Variants in ABCC4 observed in about 807,000 individuals in gnomAD.
The protein encoded by ABCC4 is ATP-binding cassette sub-family C member 4.
In ABCC4, 102 loss-of-function variants were observed where a neutral mutation model predicts 168.5. The ratio of observed to expected loss-of-function variants is 0.61; its 90% CI spans 0.52 to 0.71. The LOEUF (loss-of-function observed/expected upper bound fraction) is 0.71, where lower values mean the gene tolerates loss of function less well. Ranked by LOEUF, ABCC4 falls within the 30% of genes least tolerant of loss-of-function variation. ABCC4 has a pLI of 0.00. For missense variants in ABCC4, 1,402 were observed against 1,605.8 expected, an observed-to-expected ratio of 0.87 and a Z score of 2.17; for synonymous variants, 617 against 590.7, an observed-to-expected ratio of 1.04 and a Z score of -0.65.
intron 4 of ABCC4, among the ~76,000 whole-genome samples, chr13:95,226,733 T>C (rs1268974972): frequency 2.0e-5 from 3 of 152,112 alleles, no homozygotes; most frequent in Non-Finnish European, 4.4e-5. Context: ...GACACCTGAC[T>C]CAACACCCGG....
chr13:95,178,586 A>G (rs1483015875), intron 11 of ABCC4, among the ~76,000 whole-genome samples: 5 of 152,226 alleles, frequency 3.3e-5, no homozygotes, highest in African/African-American at 1.2e-4. Context: ...ACTGGCTGGC[A>G]CAGAGTGCAG....
intron 9 of ABCC4, among the ~76,000 whole-genome samples, chr13:95,191,126 C>G (rs77947164): frequency 6.6e-6 from 1 of 152,298 alleles, no homozygotes; most frequent in East Asian, 1.9e-4. Flanking sequence ...AACCCCTCTC[C>G]ACATCTCAAG....
At chr13:95,045,190 T>G (rs1207558060) in intron 27 of ABCC4, among the ~76,000 whole-genome samples, 1 of 152,156 alleles carries the variant, frequency 6.6e-6, no homozygotes, top group African/African-American at 2.4e-5. Context: ...GAAGAAAAGG[T>G]GAAAGGATCT....
chr13:95,273,771 T>C (rs2040899955), intron 1 of ABCC4, among the ~76,000 whole-genome samples: 1 of 150,602 alleles, frequency 6.6e-6, no homozygotes, highest in Non-Finnish European at 1.5e-5. Flanking sequence ...GTTCTTGTGA[T>C]AGTGGATAAG....
intron 19 of ABCC4, among the ~76,000 whole-genome samples, chr13:95,133,853 T>C (rs1484325948): frequency 6.6e-6 from 1 of 152,190 alleles, no homozygotes; most frequent in Non-Finnish European, 1.5e-5. Flanking sequence ...TGCAAAGCAT[T>C]GGGTGACCCT....
intron 27 of ABCC4, among the ~76,000 whole-genome samples, chr13:95,045,406 G>A (rs1397789060): frequency 6.6e-6 from 1 of 152,128 alleles, no homozygotes; most frequent in East Asian, 1.9e-4. Context: ...TGCCTCATTT[G>A]TTAGGAAATC....
At chr13:95,242,722 C>A (rs763168981) in intron 3 of ABCC4, among the ~76,000 whole-genome samples, 47 of 152,134 alleles carry the variant, frequency 3.1e-4, no homozygotes, top group Non-Finnish European at 6.3e-4. Context: ...CAAAACAACA[C>A]CTGAAATGCT....
intron 30 of ABCC4, among the ~76,000 whole-genome samples, chr13:95,028,630 C>T (rs975197763): frequency 5.3e-5 from 8 of 151,930 alleles, no homozygotes; most frequent in African/African-American, 1.4e-4. Context: ...CGCTAAAATA[C>T]TAAGGAAGAA....
chr13:95,033,953 G>A (rs12877683), intron 30 of ABCC4, among the ~76,000 whole-genome samples: 6 of 152,072 alleles, frequency 3.9e-5, no homozygotes, highest in East Asian at 1.9e-4. Context: ...GAACCACCAC[G>A]CCCAGCCTGA....
At chr13:95,261,525 C>A (rs181232502) in intron 1 of ABCC4, among the ~76,000 whole-genome samples, 20 of 152,130 alleles carry the variant, frequency 1.3e-4, no homozygotes, top group Non-Finnish European at 2.8e-4. Flanking sequence ...TTCTTATCCA[C>A]AAAACATATC....
chr13:95,255,115 C>G (rs2040361442), intron 1 of ABCC4, among the ~76,000 whole-genome samples: 1 of 152,186 alleles, frequency 6.6e-6, no homozygotes, highest in Non-Finnish European at 1.5e-5. Flanking sequence ...AAATGGGTTT[C>G]AGAAAGAGGG....
At chr13:95,096,210 G>T in intron 20 of ABCC4, 1 of 631,036 alleles carries the variant, frequency 1.6e-6, no homozygotes, top group South Asian at 1.8e-5. Flanking sequence ...CATATTCAAT[G>T]GGCTGGCAGC....
chr13:95,089,437 G>A lies in ABCC4; in HGVS notation c.2536-6147C>T, dbSNP rs756393704. ...GTTTGAGACCAGCCTGGCCAACATG[G>A]TGAAACCCCGTCTCTACTAAAAATA... On this transcript the variant is annotated intron_variant, in intron 20 of 30. Transcript: ENST00000645237. 1.7e-4 allele frequency among the ~76,000 whole-genome samples: 26 copies of A among 152,194 alleles called. 1 individual carries two copies. Among genetic ancestry groups the A allele is most frequent in the Admixed American group, 9.8e-4 (15 of 15,274 alleles).
intron 20 of ABCC4, among the ~76,000 whole-genome samples, chr13:95,109,257 AG>A (rs2035118601): frequency 6.6e-6 from 1 of 152,212 alleles, no homozygotes; most frequent in Non-Finnish European, 1.5e-5. Context: ...TTCTTTTTAC[AG>A]GACCTAGAGA....
intron 8 of ABCC4, among the ~76,000 whole-genome samples, chr13:95,196,775 C>T (rs2038468893): frequency 6.6e-6 from 1 of 151,822 alleles, no homozygotes; most frequent in South Asian, 2.1e-4. Flanking sequence ...AAAGACCAGA[C>T]CCAATTTCAC....
At chr13:95,045,303 A>C (rs1333084970) in intron 27 of ABCC4, among the ~76,000 whole-genome samples, 1 of 152,220 alleles carries the variant, frequency 6.6e-6, no homozygotes, top group Non-Finnish European at 1.5e-5. Flanking sequence ...TGGTCCTCCA[A>C]AGATATCATC....
chr13:95,184,578 T>C (rs919142272), intron 11 of ABCC4, among the ~76,000 whole-genome samples: 3 of 152,182 alleles, frequency 2.0e-5, no homozygotes, highest in Non-Finnish European at 4.4e-5. Context: ...AACCACAGTC[T>C]TGAACAAATC....
chr13:95,243,890 G>A (rs1274910298), intron 3 of ABCC4, among the ~76,000 whole-genome samples: 14 of 105,004 alleles, frequency 1.3e-4, no homozygotes, highest in South Asian at 2.9e-4. Context: ...CACCTCAGAC[G>A]AAAACATAAA....
chr13:95,257,789 G>A (rs1455029155), intron 1 of ABCC4, among the ~76,000 whole-genome samples: 1 of 152,160 alleles, frequency 6.6e-6, no homozygotes, highest in Non-Finnish European at 1.5e-5. Flanking sequence ...TCTGGAAGCT[G>A]AATTACATGC....
Sources: allele counts gnomAD v4.1 joint callset (sites outside exome capture counted in the v4.1 genomes callset), GRCh38; gene constraint gnomAD v4.1.1; transcripts MANE v1.5; gene names NCBI Gene and HGNC (gene_info 2026-07-23, HGNC 2026-07-21).